The following PILRA variants were observed in gnomAD, a reference collection of about 807,000 sequenced individuals.
PILRA encodes paired immunoglobin like type 2 receptor alpha.
A neutral mutation model predicts 33.1 loss-of-function variants in PILRA; 37 were observed. That is an observed-to-expected ratio of 1.12 (90% CI 0.86 to 1.47). The LOEUF (loss-of-function observed/expected upper bound fraction) is 1.47. Among genes scored for constraint, PILRA ranks in the 40% most tolerant of loss-of-function variants. PILRA has a pLI of 0.00. For synonymous variants in PILRA, 146 were observed against 149.9 expected, an observed-to-expected ratio of 0.97 and a Z score of 0.19; for missense variants, 312 against 376.2, an observed-to-expected ratio of 0.83 and a Z score of 1.41.
At chr7:100,390,171 C>A in intron 3 of PILRA, 65 bp downstream of exon 3, 1 of 1,395,448 alleles carries the variant, frequency 7.2e-7, no homozygotes, top group Non-Finnish European at 1.0e-6. Context: ...AGCCCACCTG[C>A]AGCTATGGGG....
At chr7:100,378,646 A>G (rs1171641683) in intron 2 of PILRA, among the ~76,000 whole-genome samples, 1 of 152,102 alleles carries the variant, frequency 6.6e-6, no homozygotes, top group Non-Finnish European at 1.5e-5. Context: ...GTCTGTAGTG[A>G]GCTGAGATCA....
intron 3 of PILRA, among the ~76,000 whole-genome samples, chr7:100,392,957 A>G (rs1398703875): frequency 6.6e-6 from 1 of 152,210 alleles, no homozygotes; most frequent in Non-Finnish European, 1.5e-5. Flanking sequence ...CTTCCTCAGT[A>G]TGACCAAGCC....
intron 3 of PILRA, among the ~76,000 whole-genome samples, chr7:100,390,857 G>T (rs1198159799): frequency 6.6e-6 from 1 of 152,016 alleles, no homozygotes. Flanking sequence ...AAGAGCCTCT[G>T]ATCCCAGAGG....
chr7:100,374,463 G>GC, intron 2 of PILRA, 30 bp downstream of exon 2: 1 of 1,612,734 alleles, frequency 6.2e-7, no homozygotes, highest in Non-Finnish European at 8.5e-7. Context: ...CACCCGCTTT[G>GC]CCCACCGCAG....
intron 3 of PILRA, among the ~76,000 whole-genome samples, chr7:100,394,825 C>T (rs996950487): frequency 5.9e-5 from 9 of 152,128 alleles, no homozygotes; most frequent in Admixed American, 2.0e-4. Context: ...ATACCATATA[C>T]AAAATTTAAC....
chr7:100,374,373 C>T lies in PILRA; in HGVS notation c.394C>T (p.Arg132Trp), dbSNP rs1214490773. 2.5e-6 allele frequency: 4 copies of T among 1,613,990 alleles called. No individual in the cohort carries two copies. The highest frequency in any genetic ancestry group is 1.3e-5 in the African/African-American group (1 of 74,882). The stretch of plus-strand genomic sequence containing the variant: ...TTTCTGCCGAGTTGAGCTGGACACA[C>T]GGAGCTCAGGGAGGCAGCAGTGGCA... The part of the protein sequence containing the change: ...VYFCRVELDT[R>W]SSGRQQWQSI... Residue 132 changes from arginine (R) to tryptophan (W), a missense_variant, in exon 2 of 7, where the codon CGG becomes TGG. Coordinates refer to ENST00000198536, the MANE Select transcript of PILRA (RefSeq NM_013439.3).
chr7:100,374,526 TC>T (rs746796518), intron 2 of PILRA, 93 bp downstream of exon 2: 12 of 1,468,702 alleles, frequency 8.2e-6, no homozygotes, highest in Non-Finnish European at 1.1e-5. Context: ...AGACCCCACT[TC>T]TTCTGACGAC....
chr7:100,391,195 T>A (rs1791384953), intron 3 of PILRA, among the ~76,000 whole-genome samples: 1 of 144,876 alleles, frequency 6.9e-6, no homozygotes, highest in African/African-American at 2.5e-5. Flanking sequence ...ATTATTATTA[T>A]TATTATTATT....
intron 1 of PILRA, 57 bp downstream of exon 1, chr7:100,373,777 C>G (rs1790875037): frequency 3.1e-6 from 5 of 1,599,944 alleles, no homozygotes; most frequent in Middle Eastern, 3.3e-4. Context: ...GAGGGGCCAA[C>G]CCGAGACAAA....
chr7:100,388,855 A>AG (rs1168624467), intron 2 of PILRA, among the ~76,000 whole-genome samples: 2 of 150,072 alleles, frequency 1.3e-5, no homozygotes, highest in East Asian at 2.0e-4. Flanking sequence ...CAGAAAGTAG[A>AG]GGGGTAGAAG....
intron 3 of PILRA, among the ~76,000 whole-genome samples, chr7:100,395,541 A>C (rs1177973664): frequency 6.6e-6 from 1 of 152,130 alleles, no homozygotes; most frequent in Non-Finnish European, 1.5e-5. Context: ...TTTTTTTATA[A>C]ATTATACAGG....
At chr7:100,383,788 C>T (rs1003638781) in intron 2 of PILRA, among the ~76,000 whole-genome samples, 23 of 152,084 alleles carry the variant, frequency 1.5e-4, no homozygotes, top group Non-Finnish European at 1.5e-4. Flanking sequence ...AGGTACCTGC[C>T]ACCACACCCG....
At chr7:100,395,102 T>G (rs1317748549) in intron 3 of PILRA, among the ~76,000 whole-genome samples, 2 of 152,138 alleles carry the variant, frequency 1.3e-5, no homozygotes, top group African/African-American at 4.8e-5. Flanking sequence ...ATATAAAAAT[T>G]CCTATAATTC....
At position 100,374,581 on chromosome 7, in the gene PILRA, G is replaced by C. The variant is rs576344708; in HGVS notation, c.454+148G>C. On this transcript the variant is annotated intron_variant, in intron 2 of 6. Coordinates refer to ENST00000198536, the MANE Select transcript of PILRA (RefSeq NM_013439.3). ...GCCCCTAACACTTCCTCAGGCCTTTGCCACCTCTCCCCTTTTCTCTTCCCC... is the reference window on the plus strand; with the variant it reads ...GCCCCTAACACTTCCTCAGGCCTTTCCCACCTCTCCCCTTTTCTCTTCCCC... The C allele has an allele frequency of 5.4e-5, 46 of 854,018 alleles. No homozygotes were observed. The African/African-American group carries it at 7.7e-4, about 14-fold the overall frequency. 52.9% of individuals were successfully genotyped at this position (854,018 alleles called of 1,614,324 possible).
At chr7:100,381,135 G>A (rs1232324083) in intron 2 of PILRA, among the ~76,000 whole-genome samples, 3 of 151,876 alleles carry the variant, frequency 2.0e-5, no homozygotes, top group African/African-American at 4.8e-5. Flanking sequence ...GTGTGGTGGC[G>A]GGCACCTGTA....
chr7:100,384,440 T>G (rs1207762897), intron 2 of PILRA, among the ~76,000 whole-genome samples: 4 of 150,512 alleles, frequency 2.7e-5, no homozygotes, highest in Non-Finnish European at 4.4e-5. Flanking sequence ...TTTTTTTTTT[T>G]TTTTTGAGAC....
chr7:100,398,323 A>G (rs1307955073), intron 4 of PILRA, among the ~76,000 whole-genome samples: 5 of 152,052 alleles, frequency 3.3e-5, no homozygotes. Flanking sequence ...AGGGAACTCC[A>G]GGCTTCCTCT....
chr7:100,397,977 A>C, intron 4 of PILRA, 65 bp downstream of exon 4: 1 of 1,515,898 alleles, frequency 6.6e-7, no homozygotes, highest in Non-Finnish European at 9.2e-7. Flanking sequence ...CTGATTTGGG[A>C]AACAGGGAGT....
At chr7:100,381,102 TA>T (rs1308881512) in intron 2 of PILRA, among the ~76,000 whole-genome samples, 1 of 150,216 alleles carries the variant, frequency 6.7e-6, no homozygotes, top group African/African-American at 2.5e-5. Flanking sequence ...CCATCCCTAC[TA>T]AAAATACAAA....
Sources: allele counts gnomAD v4.1 joint callset (sites outside exome capture counted in the v4.1 genomes callset), GRCh38; gene constraint gnomAD v4.1.1; transcripts MANE v1.5; gene names NCBI Gene and HGNC (gene_info 2026-07-23, HGNC 2026-07-21).